Variants in NCKAP5 observed in about 807,000 individuals in gnomAD.
The protein encoded by NCKAP5 is nck-associated protein 5.
In NCKAP5, 92 loss-of-function variants were observed where a neutral mutation model predicts 167.0. That is an observed-to-expected ratio of 0.55 (90% CI 0.47 to 0.66). The LOEUF is 0.66. Ranked by LOEUF, NCKAP5 falls within the 30% of genes least tolerant of loss-of-function variation. NCKAP5 has a pLI of 0.00. For synonymous variants in NCKAP5, 891 were observed against 877.4 expected, an observed-to-expected ratio of 1.02 and a Z score of -0.27; for missense variants, 2,378 against 2,315.0, an observed-to-expected ratio of 1.03 and a Z score of -0.56.
chr2:133,114,750 G>A (rs1348505581), intron 6 of NCKAP5, among the ~76,000 whole-genome samples: 1 of 151,922 alleles, frequency 6.6e-6, no homozygotes, highest in Non-Finnish European at 1.5e-5. Context: ...CCCATAGTTT[G>A]GATTTTGCAG....
intron 7 of NCKAP5, among the ~76,000 whole-genome samples, chr2:132,973,933 TTGG>T: frequency 6.6e-6 from 1 of 152,308 alleles, no homozygotes. Flanking sequence ...CAAGTAGCTC[TTGG>T]TTGCAAGGCC....
intron 8 of NCKAP5, among the ~76,000 whole-genome samples, chr2:132,921,180 C>T (rs1695400030): frequency 6.6e-6 from 1 of 151,938 alleles, no homozygotes; most frequent in African/African-American, 2.4e-5. Flanking sequence ...AAGTAAGCCC[C>T]ACAGGAACCT....
At chr2:133,184,475 G>A (rs1308821316) in intron 5 of NCKAP5, among the ~76,000 whole-genome samples, 1 of 152,056 alleles carries the variant, frequency 6.6e-6, no homozygotes, top group African/African-American at 2.4e-5. Context: ...TCCTTTGGGT[G>A]TATACCCAGT....
chr2:133,200,694 C>G (rs1055694796), intron 5 of NCKAP5, among the ~76,000 whole-genome samples: 2 of 152,158 alleles, frequency 1.3e-5, no homozygotes, highest in Admixed American at 1.3e-4. Context: ...AATAGGAGAA[C>G]ATATTTGCCA....
chr2:132,887,359 C>T (rs1453214795), intron 8 of NCKAP5, among the ~76,000 whole-genome samples: 1 of 133,480 alleles, frequency 7.5e-6, no homozygotes, highest in Non-Finnish European at 1.5e-5. Flanking sequence ...ATCCATCCAT[C>T]CATCTTTCCA....
chr2:132,862,694 A>T (rs1238542876), intron 10 of NCKAP5, among the ~76,000 whole-genome samples: 1 of 151,664 alleles, frequency 6.6e-6, no homozygotes, highest in Non-Finnish European at 1.5e-5. Context: ...CAGGAGGCAA[A>T]GATTGCCGTC....
intron 3 of NCKAP5, among the ~76,000 whole-genome samples, chr2:133,417,815 T>C (rs1370344260): frequency 6.6e-6 from 1 of 152,176 alleles, no homozygotes; most frequent in African/African-American, 2.4e-5. Context: ...AAAGCTATTA[T>C]GTCGTGAATG....
intron 4 of NCKAP5, among the ~76,000 whole-genome samples, chr2:133,261,699 A>C (rs1192978247): frequency 2.0e-5 from 3 of 152,192 alleles, no homozygotes; most frequent in Non-Finnish European, 2.9e-5. Flanking sequence ...CTTTAAACTA[A>C]ACTGGTTTAT....
At chr2:133,427,024 TGA>T (rs1689854853) in intron 3 of NCKAP5, among the ~76,000 whole-genome samples, 2 of 152,218 alleles carry the variant, frequency 1.3e-5, no homozygotes, top group Admixed American at 6.5e-5. Context: ...GCATTTGAGC[TGA>T]GAGTTTTTCA....
chr2:133,078,370 G>A (rs2080684552), intron 6 of NCKAP5, among the ~76,000 whole-genome samples: 2 of 152,202 alleles, frequency 1.3e-5, no homozygotes, highest in Non-Finnish European at 2.9e-5. Flanking sequence ...AAACTCACCT[G>A]CTGTACACTG....
intron 8 of NCKAP5, among the ~76,000 whole-genome samples, chr2:132,895,221 C>A (rs924252405): frequency 6.6e-6 from 1 of 151,766 alleles, no homozygotes; most frequent in Non-Finnish European, 1.5e-5. Flanking sequence ...GTCCCAGCTA[C>A]TCTGGAGGCT....
At chr2:133,538,421 C>T (rs1186287886) in intron 2 of NCKAP5, among the ~76,000 whole-genome samples, 1 of 151,988 alleles carries the variant, frequency 6.6e-6, no homozygotes, top group African/African-American at 2.4e-5. Flanking sequence ...CTTGATTATT[C>T]TAAAGCCAAG....
At chr2:133,147,489 G>C (rs995125441) in intron 5 of NCKAP5, among the ~76,000 whole-genome samples, 4 of 152,166 alleles carry the variant, frequency 2.6e-5, no homozygotes, top group African/African-American at 9.7e-5. Flanking sequence ...ATAAGCTCCA[G>C]AAGGTATAAA....
intron 8 of NCKAP5, among the ~76,000 whole-genome samples, chr2:132,941,293 G>T (rs1697276681): frequency 6.6e-6 from 1 of 152,194 alleles, no homozygotes; most frequent in South Asian, 2.1e-4. Flanking sequence ...AGCACTATCA[G>T]CATCTCCCTG....
intron 11 of NCKAP5, among the ~76,000 whole-genome samples, chr2:132,803,064 A>T (rs1685159737): frequency 6.6e-6 from 1 of 152,218 alleles, no homozygotes; most frequent in Admixed American, 6.5e-5. Context: ...CCAGGACAAA[A>T]TCTTTTTGGA....
chr2:133,664,189 T>C, the NCKAP5 span, among the ~76,000 whole-genome samples: 1 of 152,020 alleles, frequency 6.6e-6, no homozygotes, highest in Non-Finnish European at 1.5e-5. Flanking sequence ...GAGGTCTTAA[T>C]GGTGGGCTTA....
intron 5 of NCKAP5, among the ~76,000 whole-genome samples, chr2:133,153,917 C>T (rs989255506): frequency 6.8e-6 from 1 of 147,834 alleles, no homozygotes; most frequent in Middle Eastern, 3.3e-3. Flanking sequence ...CTCACTGCAA[C>T]CTCCTCCCCC....
At chr2:132,810,606 C>T (rs1172019247) in intron 11 of NCKAP5, among the ~76,000 whole-genome samples, 1 of 152,020 alleles carries the variant, frequency 6.6e-6, no homozygotes, top group African/African-American at 2.4e-5. Flanking sequence ...AAAAGTGTGT[C>T]CAAAGTTTCC....
chr2:133,087,970 A>G (rs56690406), intron 6 of NCKAP5, among the ~76,000 whole-genome samples: 1,570 of 152,304 alleles, frequency 0.01, 33 homozygotes, highest in African/African-American at 0.036. Context: ...ACTGAGTTTA[A>G]CAAACAAGTA....
Sources: gnomAD v4.1 joint callset for allele counts (sites outside exome capture counted in the v4.1 genomes callset) on GRCh38, gnomAD v4.1.1 for gene constraint, MANE v1.5 for transcripts, NCBI Gene and HGNC (gene_info 2026-07-23, HGNC 2026-07-21) for gene names.